ATP8B1: variants seen among roughly 807,000 people sequenced by gnomAD.
ATP8B1 encodes the protein phospholipid-transporting ATPase IC.
Under a neutral mutation model 149.9 loss-of-function variants are expected in ATP8B1, and 80 were observed. The ratio of observed to expected loss-of-function variants is 0.53; its 90% CI spans 0.45 to 0.64. ATP8B1 has a LOEUF of 0.64. ATP8B1 is among the 30% of genes least tolerant of loss of function. ATP8B1 has a pLI of 0.00. For missense variants in ATP8B1, 1,247 were observed against 1,552.6 expected (o/e 0.80, Z 3.31); for synonymous variants, 536 against 562.8 (o/e 0.95, Z 0.67).
chr18:57,698,862 C>A (rs546329724), intron 6 of ATP8B1, among the ~76,000 whole-genome samples: 1 of 152,334 alleles, frequency 6.6e-6, no homozygotes, highest in East Asian at 1.9e-4. Flanking sequence ...TGAATTTTCC[C>A]TTCCCTGTAC....
At chr18:57,770,268 G>A (rs2080253144) in intron 1 of ATP8B1, among the ~76,000 whole-genome samples, 1 of 152,304 alleles carries the variant, frequency 6.6e-6, no homozygotes, top group Non-Finnish European at 1.5e-5. Flanking sequence ...TCAGGCAGAA[G>A]TGCCTCAGCC....
intron 1 of ATP8B1, among the ~76,000 whole-genome samples, chr18:57,738,267 CAG>C (rs772290187): frequency 4.6e-5 from 7 of 152,212 alleles, no homozygotes; most frequent in Non-Finnish European, 8.8e-5. Context: ...ACACTAGGCA[CAG>C]GGAACAGAGC....
chr18:57,713,157 CTCTTTCTTTCTT>C (rs760611716), intron 2 of ATP8B1, among the ~76,000 whole-genome samples: 187 of 92,084 alleles, frequency 2.0e-3, no homozygotes, highest in Middle Eastern at 5.6e-3. Flanking sequence ...CTTGATCTTT[CTCTTTCTTTCTT>C]TCTTTCTTTC....
intron 2 of ATP8B1, among the ~76,000 whole-genome samples, chr18:57,711,709 T>G (rs2123008065): frequency 6.6e-6 from 1 of 152,278 alleles, no homozygotes; most frequent in East Asian, 1.9e-4. Flanking sequence ...TCCTCCCACC[T>G]CAACTTCTGG....
Position 57,732,422 on chromosome 18 carries a change from G to C in ATP8B1, c.-25-590C>G, listed in dbSNP as rs78303539. ...AGGGGGTCTCAATGAAATAAATTTA[G>C]TGGGTAACAATCAACATTAAAATAA... is the stretch of plus-strand genomic sequence containing the variant. On this transcript the variant is annotated intron_variant, in intron 1 of 27. Coordinates refer to ENST00000648908, the MANE Select transcript of ATP8B1 (RefSeq NM_001374385.1). Among the ~76,000 whole-genome samples, 3 of 150,356 alleles carry C rather than the reference G, an allele frequency of 2.0e-5. No individual in the cohort carries two copies. The South Asian group carries it at 6.3e-4, about 31-fold the overall frequency.
chr18:57,701,022 C>T lies in ATP8B1; in HGVS notation c.554+17G>A. On this transcript the variant is annotated intron_variant, in intron 6 of 27. Coordinates refer to ENST00000648908, the MANE Select transcript of ATP8B1 (RefSeq NM_001374385.1). ...GCATTACATCCTTGAAACTCAGTTA[C>T]TAATTAGACACAGTACCTGCCATCC... 6.2e-7 allele frequency: 1 copy of T among 1,607,282 alleles called. No homozygotes were observed. Among genetic ancestry groups the T allele is most frequent in the Non-Finnish European group, 8.5e-7 (1 of 1,173,818 alleles).
At chr18:57,799,929 A>C (rs2080557983) in intron 1 of ATP8B1, among the ~76,000 whole-genome samples, 1 of 152,158 alleles carries the variant, frequency 6.6e-6, no homozygotes, top group Admixed American at 6.5e-5. Flanking sequence ...TGGTTAACAA[A>C]ATGAAAAATA....
Position 57,695,276 on chromosome 18 carries a change from G to A in ATP8B1, c.835C>T (p.Leu279=), listed in dbSNP as rs183314413. 6.7e-5 allele frequency: 108 copies of A among 1,612,890 alleles called. No homozygotes were observed. The highest frequency in any genetic ancestry group is 8.7e-5 in the Non-Finnish European group (103 of 1,178,926). ...GGAAAACTTGTGTTTCTCCAAAATA[G>A]TGTTCCTGTAAACTTATCTAGTCTG... ...NNRLDKFTGT[L]FWRNTSFPLD... The change falls in exon 10 of 28, where the codon CTA becomes TTA. Residue 279 remains leucine (L), a synonymous_variant. Transcript: ENST00000648908.
intron 1 of ATP8B1, among the ~76,000 whole-genome samples, chr18:57,766,147 G>T (rs1274376769): frequency 6.6e-6 from 1 of 150,520 alleles, no homozygotes; most frequent in African/African-American, 2.4e-5. Context: ...AGATTCAAGT[G>T]ATTCTCCTGC....
chr18:57,751,084 C>T (rs986008401), intron 1 of ATP8B1, among the ~76,000 whole-genome samples: 1 of 152,060 alleles, frequency 6.6e-6, no homozygotes, highest in African/African-American at 2.4e-5. Flanking sequence ...GACTGTGCCA[C>T]TGGACCCCAG....
chr18:57,709,114 G>C (rs1913565120), intron 2 of ATP8B1, among the ~76,000 whole-genome samples: 1 of 152,180 alleles, frequency 6.6e-6, no homozygotes, highest in African/African-American at 2.4e-5. Flanking sequence ...CCTATTTCCA[G>C]TTAAAGATCC....
chr18:57,767,193 G>A (rs955519519), intron 1 of ATP8B1, among the ~76,000 whole-genome samples: 1 of 152,198 alleles, frequency 6.6e-6, no homozygotes, highest in African/African-American at 2.4e-5. Context: ...GAACTAAGGT[G>A]AGCTCATCAG....
At position 57,652,657 on chromosome 18, in the gene ATP8B1, A is replaced by G. The variant is rs1228473372; in HGVS notation, c.3088T>C (p.Tyr1030His). Reference protein sequence around the residue: ...IVGQRDLLFNYKRFFVSLLHG... With the variant: ...IVGQRDLLFNHKRFFVSLLHG... ...AACAAGCTTACAAAGAATCTCTTAT[A>G]GTTGAATAGTAAGTCTCTTTGTCCC... Residue 1030 changes from tyrosine (Y) to histidine (H), a missense_variant, in exon 25 of 28, where the codon TAT becomes CAT. This residue lies in a region of ATP8B1 where 230 missense variants were observed against 356.6 expected (regional missense o/e 0.65). Transcript: ENST00000648908. The G allele has an allele frequency of 1.2e-6, 2 of 1,614,168 alleles. No homozygotes were observed. Among genetic ancestry groups the G allele is most frequent in the African/African-American group, 1.3e-5 (1 of 75,066 alleles).
intron 1 of ATP8B1, among the ~76,000 whole-genome samples, chr18:57,767,376 A>C (rs375516467): frequency 9.2e-5 from 14 of 152,316 alleles, no homozygotes; most frequent in African/African-American, 3.4e-4. Context: ...GCCATCCAGT[A>C]CAGTGGCCAC....
At chr18:57,798,975 A>G (rs947240854) in intron 1 of ATP8B1, among the ~76,000 whole-genome samples, 3 of 152,240 alleles carry the variant, frequency 2.0e-5, no homozygotes, top group African/African-American at 7.2e-5. Flanking sequence ...GGAGAAAGGC[A>G]ATGGCTGGGT....
In ATP8B1 at chr18:57,803,121, A is replaced by G. The variant is rs1184850541; in HGVS notation, c.-149T>C. ...GCCCTGGCCGCCGCGCTAGCGCTGCATGGCGCACGGGGGCTGGCCGGGGGC... is the reference window on the plus strand; with the variant it reads ...GCCCTGGCCGCCGCGCTAGCGCTGCGTGGCGCACGGGGGCTGGCCGGGGGC... On this transcript the variant is annotated 5_prime_UTR_variant, in exon 1 of 28. The change abolishes an upstream ATG in the 5' untranslated region. Coordinates refer to ENST00000648908, the MANE Select transcript of ATP8B1 (RefSeq NM_001374385.1). 1 of 151,892 alleles carries G rather than the reference A, an allele frequency of 6.6e-6. No homozygotes were observed. The highest frequency in any genetic ancestry group is 1.9e-4 in the East Asian group (1 of 5,182). The allele number at this position is 151,892 out of a possible 1,614,324, so 9.4% of individuals were successfully genotyped here. A position where few individuals can be genotyped will look rare whatever the true frequency, so the allele number is the denominator to read the frequency against.
At chr18:57,761,444 T>C (rs544215581) in intron 1 of ATP8B1, among the ~76,000 whole-genome samples, 1 of 152,212 alleles carries the variant, frequency 6.6e-6, no homozygotes, top group African/African-American at 2.4e-5. Flanking sequence ...TCAGTGAGGG[T>C]TCTTGACCAG....
At chr18:57,799,847 A>G (rs545450290) in intron 1 of ATP8B1, among the ~76,000 whole-genome samples, 1 of 152,196 alleles carries the variant, frequency 6.6e-6, no homozygotes, top group Non-Finnish European at 1.5e-5. Context: ...CTTCAGTGAT[A>G]GAGGACCTCA....
chr18:57,662,102 T>C (rs905551648), intron 21 of ATP8B1, among the ~76,000 whole-genome samples: 1 of 152,162 alleles, frequency 6.6e-6, no homozygotes, highest in African/African-American at 2.4e-5. Flanking sequence ...AGTGTGATCA[T>C]TGCATGCTGC....
Sources: allele counts gnomAD v4.1 joint callset (sites outside exome capture counted in the v4.1 genomes callset), GRCh38; gene constraint gnomAD v4.1.1; regional missense constraint gnomAD v4.1.1; transcripts MANE v1.5; gene names NCBI Gene and HGNC (gene_info 2026-07-23, HGNC 2026-07-21).